Variants in TAF3 observed in about 807,000 individuals in gnomAD.
TAF3 encodes the protein transcription initiation factor TFIID subunit 3.
Under a neutral mutation model 80.6 loss-of-function variants are expected in TAF3, and 7 were observed. The ratio of observed to expected loss-of-function variants is 0.09; its 90% CI spans 0.05 to 0.16. The LOEUF is 0.16. Among genes scored for constraint, TAF3 ranks in the 10% least tolerant of loss-of-function variants. The probability of loss-of-function intolerance (pLI) is 1.00; values close to 1 mark genes in which losing one functional copy is unlikely to be tolerated. For synonymous variants in TAF3, 444 were observed against 446.1 expected, an observed-to-expected ratio of 1.00 and a Z score of 0.06; for missense variants, 921 against 1,140.2, an observed-to-expected ratio of 0.81 and a Z score of 2.77.
chr10:7,890,616 C>G (rs1339526200), intron 2 of TAF3, among the ~76,000 whole-genome samples: 1 of 152,210 alleles, frequency 6.6e-6, no homozygotes, highest in Non-Finnish European at 1.5e-5. Flanking sequence ...TAGAATTTAA[C>G]CTTGCTTTTC....
intron 2 of TAF3, among the ~76,000 whole-genome samples, chr10:7,903,486 A>C (rs1837579156): frequency 6.6e-6 from 1 of 152,206 alleles, no homozygotes; most frequent in Non-Finnish European, 1.5e-5. Flanking sequence ...AAAATTTAAA[A>C]TTTTTAATAA....
In TAF3 at chr10:8,009,704, C is replaced by T. The variant is rs892635170; in HGVS notation, c.2568+374C>T. Among the ~76,000 whole-genome samples the T allele has an allele frequency of 6.6e-6, 1 of 152,018 alleles. No homozygotes were observed. Among genetic ancestry groups the T allele is most frequent in the African/African-American group, 2.4e-5 (1 of 41,386 alleles). ...TGGTGAGATCTCAGCTCACTGCAAC[C>T]TCCACCTCCCAGGTTCAAGCGATTC... On this transcript the variant is annotated intron_variant, in intron 5 of 6. Coordinates refer to ENST00000344293, the MANE Select transcript of TAF3 (RefSeq NM_031923.4). The surrounding 1 kb of genome is among the most constrained non-coding windows in gnomAD (Gnocchi z 4.1).
intron 4 of TAF3, among the ~76,000 whole-genome samples, chr10:7,993,800 A>G (rs1306304362): frequency 5.3e-5 from 8 of 151,396 alleles, no homozygotes. Context: ...CACATGTATT[A>G]GCTGAAATTC....
chr10:8,015,868 A>C lies in TAF3; in HGVS notation c.*1117A>C, dbSNP rs956592547. On this transcript the variant is annotated 3_prime_UTR_variant, in exon 7 of 7. Coordinates refer to ENST00000344293, the MANE Select transcript of TAF3 (RefSeq NM_031923.4). Reference sequence around the variant, plus strand: ...GTTTCCATGAAAGTAAAAAAAAAAAACAACAAAAAACCCACATATACTGTA... The same window carrying C: ...GTTTCCATGAAAGTAAAAAAAAAAACCAACAAAAAACCCACATATACTGTA... 14 of 151,570 alleles carry C rather than the reference A, an allele frequency of 9.2e-5. No individual in the cohort carries two copies. The highest frequency in any genetic ancestry group is 3.4e-4 in the African/African-American group (14 of 41,366). The allele number at this position is 151,570 out of a possible 1,614,324, so 9.4% of individuals were successfully genotyped here.
At chr10:7,891,572 T>TA (rs1472398674) in intron 2 of TAF3, among the ~76,000 whole-genome samples, 1 of 152,240 alleles carries the variant, frequency 6.6e-6, no homozygotes, top group East Asian at 1.9e-4. Flanking sequence ...AGTAACCTTT[T>TA]AAAAAATGTT....
In TAF3 at chr10:8,010,691, G is replaced by A. The variant is rs372766346; in HGVS notation, c.2568+1361G>A. On this transcript the variant is annotated intron_variant, in intron 5 of 6. Coordinates refer to ENST00000344293, the MANE Select transcript of TAF3 (RefSeq NM_031923.4). The stretch of plus-strand genomic sequence containing the variant: ...GGAGGCTGAGGCAGATGGATCACTT[G>A]AGGTCAGGAGTTCGAGACCAGCCTG... Among the ~76,000 whole-genome samples the A allele has an allele frequency of 1.2e-3, 178 of 152,328 alleles. 2 individuals carry two copies. The highest frequency in any genetic ancestry group is 6.8e-3 in the Middle Eastern group (2 of 294).
intron 2 of TAF3, among the ~76,000 whole-genome samples, chr10:7,918,702 G>T (rs191024347): frequency 4.9e-4 from 75 of 152,272 alleles, no homozygotes; most frequent in African/African-American, 1.7e-3. Context: ...GCTAGGTTTT[G>T]GATGTATTAT....
chr10:7,823,647 T>C (rs1303964255), intron 1 of TAF3, among the ~76,000 whole-genome samples: 3 of 150,934 alleles, frequency 2.0e-5, no homozygotes, highest in Non-Finnish European at 4.4e-5. Context: ...TTTTTTTTTT[T>C]TTTCTGAGAT....
At chr10:7,865,514 CAGAA>C (rs1837203775) in intron 2 of TAF3, among the ~76,000 whole-genome samples, 1 of 151,322 alleles carries the variant, frequency 6.6e-6, no homozygotes, top group Non-Finnish European at 1.5e-5. Flanking sequence ...AAGAAACAAA[CAGAA>C]AGTAGGGGAG....
intron 2 of TAF3, among the ~76,000 whole-genome samples, chr10:7,943,121 C>T (rs1436221654): frequency 6.6e-6 from 1 of 152,172 alleles, no homozygotes; most frequent in African/African-American, 2.4e-5. Flanking sequence ...GGAGTCCAAT[C>T]CTGTGGTTCC....
intron 2 of TAF3, among the ~76,000 whole-genome samples, chr10:7,936,637 C>A (rs1264061339): frequency 6.6e-6 from 1 of 152,108 alleles, no homozygotes; most frequent in Non-Finnish European, 1.5e-5. Context: ...ACATCCCCCA[C>A]CAGAGTGGCA....
chr10:7,899,073 A>T (rs1837534762), intron 2 of TAF3, among the ~76,000 whole-genome samples: 1 of 152,156 alleles, frequency 6.6e-6, no homozygotes, highest in African/African-American at 2.4e-5. Context: ...GATTCTTGTA[A>T]CCGGCTGCTA....
intron 2 of TAF3, among the ~76,000 whole-genome samples, chr10:7,836,612 T>C (rs1025190435): frequency 1.3e-5 from 2 of 152,214 alleles, no homozygotes; most frequent in African/African-American, 2.4e-5. Flanking sequence ...ACCTGTGTTA[T>C]CCATCTCAGT....
intron 1 of TAF3, among the ~76,000 whole-genome samples, chr10:7,819,303 C>T (rs1836666135): frequency 6.6e-6 from 1 of 152,120 alleles, no homozygotes; most frequent in Admixed American, 6.6e-5. Context: ...CCGGCCGTTT[C>T]TTACAAGACT....
chr10:7,944,988 A>C (rs4749393), intron 2 of TAF3, among the ~76,000 whole-genome samples: 25,362 of 152,244 alleles, frequency 0.17, 2,334 homozygotes, highest in East Asian at 0.29. Context: ...GTCTCTACCT[A>C]GAAATATGGG....
chr10:7,860,839 A>T, intron 2 of TAF3, among the ~76,000 whole-genome samples: 1 of 145,486 alleles, frequency 6.9e-6, no homozygotes, highest in South Asian at 2.2e-4. Context: ...TCGCTCTGTC[A>T]CCCAGGCTGG....
intron 2 of TAF3, among the ~76,000 whole-genome samples, chr10:7,864,633 G>C (rs1029825085): frequency 2.6e-5 from 4 of 152,128 alleles, no homozygotes; most frequent in African/African-American, 9.7e-5. Flanking sequence ...GAGTAGAATG[G>C]TGGGGTTATA....
rs199775696 is a variant in TAF3 at position 8,012,243 on chromosome 10, G to A, written c.2569-1488G>A. 5.9e-5 allele frequency among the ~76,000 whole-genome samples: 9 copies of A among 152,232 alleles called. No individual in the cohort carries two copies. The East Asian group carries it at 1.7e-3, about 29-fold the overall frequency. On this transcript the variant is annotated intron_variant, in intron 5 of 6. Coordinates refer to ENST00000344293, the MANE Select transcript of TAF3 (RefSeq NM_031923.4). ...TGAAGAGAGACGCTTTGTGGTTAGA[G>A]GACAAAATTTATGATTTAGATGACA...
In TAF3 at chr10:8,009,780, C is replaced by CT. The variant is rs1832036453; in HGVS notation, c.2568+450_2568+451insT. Among the ~76,000 whole-genome samples, 1 of 152,092 alleles carries CT rather than the reference C, an allele frequency of 6.6e-6. No homozygotes were observed. Among genetic ancestry groups the CT allele is most frequent in the Non-Finnish European group, 1.5e-5 (1 of 68,002 alleles). On this transcript the variant is annotated intron_variant, in intron 5 of 6. Transcript: ENST00000344293. The surrounding 1 kb of genome is among the most constrained non-coding windows in gnomAD (Gnocchi z 4.1). ...GGGATTACAGGCACGTGCCACCACA[C>CT]CTGGCCAATTTTTTGTATTTTTAGT... is the stretch of plus-strand genomic sequence containing the variant.
Sources: gnomAD v4.1 joint callset for allele counts (sites outside exome capture counted in the v4.1 genomes callset) on GRCh38, gnomAD v4.1.1 for gene constraint, Gnocchi (gnomAD v3.1) non-coding constraint, MANE v1.5 for transcripts, NCBI Gene and HGNC (gene_info 2026-07-23, HGNC 2026-07-21) for gene names.